The following MYMX variants were observed in gnomAD, a reference collection of about 807,000 sequenced individuals.
The protein encoded by MYMX is myomixer, myoblast fusion factor.
At chr6:44,204,115 C>T in the MYMX span, among the ~76,000 whole-genome samples, 3 of 152,292 alleles carry the variant, frequency 2.0e-5, no homozygotes, top group Non-Finnish European at 4.4e-5. Context: ...TCCCAAAGTG[C>T]TGGGTTTACA....
At chr6:44,207,774 G>A in the MYMX span, among the ~76,000 whole-genome samples, 13 of 151,412 alleles carry the variant, frequency 8.6e-5, no homozygotes, top group African/African-American at 2.4e-4. Flanking sequence ...CAGGTGATCC[G>A]CCCACTTCAG....
At chr6:44,208,965 TCTCA>T in the MYMX span, among the ~76,000 whole-genome samples, 53 of 152,318 alleles carry the variant, frequency 3.5e-4, no homozygotes, top group African/African-American at 1.2e-3. Context: ...TCCTGCTCTC[TCTCA>T]CTCTCTTTTT....
the MYMX span, among the ~76,000 whole-genome samples, chr6:44,208,246 C>CAAAAA: frequency 1.6e-5 from 2 of 123,264 alleles, no homozygotes; most frequent in East Asian, 2.3e-4. Flanking sequence ...GATCTTGTCT[C>CAAAAA]AAAAAAAAAA....
chr6:44,195,614 G>A, the MYMX span, among the ~76,000 whole-genome samples: 594 of 151,518 alleles, frequency 3.9e-3, 4 homozygotes, highest in African/African-American at 0.013. Flanking sequence ...TTACTGGCAT[G>A]AGCCACTATA....
chr6:44,213,149 G>C (rs1775686478), upstream of MYMX, among the ~76,000 whole-genome samples: 1 of 152,270 alleles, frequency 6.6e-6, no homozygotes, highest in East Asian at 1.9e-4. Flanking sequence ...ACTTTGGGAG[G>C]TGGAGGTGGG....
chr6:44,217,587 G>A lies in MYMX; in HGVS notation c.116G>A (p.Arg39His), dbSNP rs181453173. 5.7e-4 allele frequency: 229 copies of A among 402,066 alleles called. No individual in the cohort carries two copies. The highest frequency in any genetic ancestry group is 8.8e-4 in the Non-Finnish European group (201 of 227,198). The allele number at this position is 402,066 out of a possible 1,614,324, so 24.9% of individuals were successfully genotyped here. Reference sequence around the variant, plus strand: ...CCCCTGCTGCGCCGATTGGCCCGCCGCCTGGGCTCCCAGGACATGCGAGAG... The same window carrying A: ...CCCCTGCTGCGCCGATTGGCCCGCCACCTGGGCTCCCAGGACATGCGAGAG... The part of the protein sequence containing the change: ...LLPLLRRLAR[R>H]LGSQDMREAL... Residue 39 changes from arginine (R) to histidine (H), a missense_variant, in exon 2 of 2, where the codon CGC becomes CAC. By Grantham distance (29) the Arg-to-His change is conservative. Coordinates refer to ENST00000573382, the MANE Select transcript of MYMX (RefSeq NM_001315494.2).
the MYMX span, among the ~76,000 whole-genome samples, chr6:44,195,959 T>G: frequency 7.2e-5 from 11 of 152,122 alleles, no homozygotes; most frequent in Admixed American, 1.3e-4. Flanking sequence ...TCCTTTTTTT[T>G]GAAACAGAGT....
the MYMX span, among the ~76,000 whole-genome samples, chr6:44,204,440 G>T: frequency 6.6e-6 from 1 of 152,152 alleles, no homozygotes; most frequent in Non-Finnish European, 1.5e-5. Context: ...AAACAGAACT[G>T]CCAGTGACTA....
At chr6:44,204,719 C>T in the MYMX span, among the ~76,000 whole-genome samples, 3,923 of 152,228 alleles carry the variant, frequency 0.026, 67 homozygotes, top group South Asian at 0.069. Flanking sequence ...CTTATGTCTC[C>T]ATCACCCCTA....
At chr6:44,193,635 C>A in the MYMX span, among the ~76,000 whole-genome samples, 1 of 152,190 alleles carries the variant, frequency 6.6e-6, no homozygotes, top group East Asian at 1.9e-4. Context: ...GCCCTCTCCA[C>A]CTAAAATGAA....
upstream of MYMX, among the ~76,000 whole-genome samples, chr6:44,212,028 G>T (rs941227674): frequency 1.3e-5 from 2 of 151,948 alleles, no homozygotes; most frequent in Non-Finnish European, 2.9e-5. Flanking sequence ...CTCCTGCCTC[G>T]GTTTCCCAAG....
chr6:44,211,094 C>T, the MYMX span, among the ~76,000 whole-genome samples: 1 of 152,174 alleles, frequency 6.6e-6, no homozygotes, highest in African/African-American at 2.4e-5. Context: ...TACAGCAAGA[C>T]TCTGTCTAAA....
At chr6:44,205,065 A>G in the MYMX span, among the ~76,000 whole-genome samples, 1,154 of 152,256 alleles carry the variant, frequency 7.6e-3, 20 homozygotes, top group African/African-American at 0.026. Context: ...CATGGGAGAG[A>G]CACACTTTCA....
the MYMX span, among the ~76,000 whole-genome samples, chr6:44,201,518 A>T: frequency 1.3e-5 from 2 of 152,204 alleles, no homozygotes; most frequent in East Asian, 3.9e-4. Context: ...TTCCCAGAGG[A>T]CAACAGGCCA....
rs186545105 is a variant in MYMX at position 44,217,671 on chromosome 6, A to T, written c.200A>T (p.Glu67Val). 1.2e-5 allele frequency: 5 copies of T among 400,970 alleles called. No homozygotes were observed. In the Admixed American group the frequency reaches 2.2e-4, roughly 18 times the overall value. 24.8% of individuals were successfully genotyped at this position (400,970 alleles called of 1,614,324 possible). ...LSQRHSPDAG[E>V]ASRVDRLERR... ...CAGCGACACTCGCCAGACGCTGGGG[A>T]GGCCTCAAGAGTGGACCGCCTGGAG... is the stretch of plus-strand genomic sequence containing the variant. Residue 67 changes from glutamate to valine, a missense_variant, in exon 2 of 2, where the codon GAG becomes GTG. Physicochemically the swap from Glu to Val is moderately radical, Grantham distance 121. Transcript: ENST00000573382.
chr6:44,200,012 G>A, the MYMX span, among the ~76,000 whole-genome samples: 3 of 151,982 alleles, frequency 2.0e-5, no homozygotes, highest in Admixed American at 6.6e-5. Flanking sequence ...AACAATTATA[G>A]CCAGGCACAG....
At chr6:44,193,261 T>C in the MYMX span, among the ~76,000 whole-genome samples, 1 of 151,650 alleles carries the variant, frequency 6.6e-6, no homozygotes, top group East Asian at 1.9e-4. Context: ...ATTTACATTG[T>C]TATGTTTTCT....
the MYMX span, among the ~76,000 whole-genome samples, chr6:44,206,256 G>C: frequency 7.9e-5 from 12 of 152,068 alleles, no homozygotes; most frequent in East Asian, 2.3e-3. Context: ...TTTTGAGATA[G>C]AGTCTCACTC....
chr6:44,213,513 C>T (rs1320830233), upstream of MYMX, among the ~76,000 whole-genome samples: 1 of 151,666 alleles, frequency 6.6e-6, no homozygotes, highest in Non-Finnish European at 1.5e-5. Context: ...CCTCCGCCTC[C>T]CGGGCTCAAG....
Sources: allele counts gnomAD v4.1 joint callset (sites outside exome capture counted in the v4.1 genomes callset), GRCh38; gene constraint gnomAD v4.1.1; transcripts MANE v1.5; gene names NCBI Gene and HGNC (gene_info 2026-07-23, HGNC 2026-07-21).